ERGIC1: variants seen among roughly 807,000 people sequenced by gnomAD.
ERGIC1 encodes endoplasmic reticulum-golgi intermediate compartment 1.
Under a neutral mutation model 38.3 loss-of-function variants are expected in ERGIC1, and 19 were observed. The observed-to-expected ratio is 0.50, with a 90% CI of 0.35 to 0.73. The LOEUF (loss-of-function observed/expected upper bound fraction) is 0.73, where lower values mean the gene tolerates loss of function less well. ERGIC1 is among the 30% of genes least tolerant of loss of function. The pLI, the probability that ERGIC1 is intolerant of heterozygous loss-of-function variation, is 0.01. For synonymous variants in ERGIC1, 124 were observed against 157.6 expected, an observed-to-expected ratio of 0.79 and a Z score of 1.60; for missense variants, 294 against 389.2, an observed-to-expected ratio of 0.76 and a Z score of 2.06.
intron 2 of ERGIC1, among the ~76,000 whole-genome samples, chr5:172,891,827 C>T (rs1762566429): frequency 6.6e-6 from 1 of 152,174 alleles, no homozygotes; most frequent in Non-Finnish European, 1.5e-5. Context: ...CTTTCTTCTG[C>T]TGATACATCC....
intron 1 of ERGIC1, among the ~76,000 whole-genome samples, chr5:172,886,487 C>G (rs538492760): frequency 7.2e-5 from 11 of 152,174 alleles, no homozygotes; most frequent in Admixed American, 1.3e-4. Flanking sequence ...CCTTTCTTTG[C>G]CTCTACCGCT....
In ERGIC1 at chr5:172,901,330, C is replaced by T. The variant is rs867396978; in HGVS notation, c.155+4256C>T. Among the ~76,000 whole-genome samples the T allele has an allele frequency of 4.6e-5, 7 of 152,204 alleles. No individual in the cohort carries two copies. In the South Asian group the frequency reaches 1.2e-3, roughly 27 times the overall value. On this transcript the variant is annotated intron_variant, in intron 3 of 9. Transcript: ENST00000393784. ...GTTAATTATCCTTGGGAAAGAGGCC[C>T]CACAGAGTGTTCTGAAACTCCGTGT...
At chr5:172,896,923 T>G (rs1762737535) in intron 2 of ERGIC1, 79 bp from the exon 3 acceptor site, 1 of 1,378,078 alleles carries the variant, frequency 7.3e-7, no homozygotes, top group Non-Finnish European at 1.0e-6. Context: ...TGGGGCCTCT[T>G]TCCTCTTCCC....
chr5:172,905,391 G>A (rs1762991080), intron 3 of ERGIC1: 1 of 466,730 alleles, frequency 2.1e-6, no homozygotes, highest in Non-Finnish European at 4.5e-6. Context: ...GATCCTCCTC[G>A]GGCCTGTTAC....
chr5:172,910,270 G>A (rs930054335), intron 4 of ERGIC1, among the ~76,000 whole-genome samples: 2 of 152,160 alleles, frequency 1.3e-5, no homozygotes, highest in Non-Finnish European at 2.9e-5. Flanking sequence ...GCAGAGTGGT[G>A]TGCGTGGCAG....
chr5:172,838,194 T>G (rs1201033674), intron 1 of ERGIC1, among the ~76,000 whole-genome samples: 1 of 152,194 alleles, frequency 6.6e-6, no homozygotes, highest in Non-Finnish European at 1.5e-5. Context: ...AATGCACACT[T>G]GCAGGATCAA....
intron 1 of ERGIC1, among the ~76,000 whole-genome samples, chr5:172,843,326 G>A (rs1761203934): frequency 6.6e-6 from 1 of 152,168 alleles, no homozygotes. Flanking sequence ...GTAAGCCAAG[G>A]CACAGAGCTG....
In ERGIC1 at chr5:172,935,197, G is replaced by A. The variant is rs141880390; in HGVS notation, c.652G>A (p.Ala218Thr). Residue 218 changes from alanine (A) to threonine (T), a missense_variant, in exon 9 of 10, where the codon GCC becomes ACC. Ala to Thr is a moderately conservative substitution (Grantham distance 58). Coordinates refer to ENST00000393784, the MANE Select transcript of ERGIC1 (RefSeq NM_001031711.3). ...QYTVANKEYVAYSHTGRIIPA... is the reference protein window; with the variant it reads ...QYTVANKEYVTYSHTGRIIPA... ...ATATCCTCTACCCCAGGAATACGTCGCCTACAGCCACACGGGCCGCATCAT... is the reference window on the plus strand; with the variant it reads ...ATATCCTCTACCCCAGGAATACGTCACCTACAGCCACACGGGCCGCATCAT... 3,996 of 1,613,936 alleles carry A rather than the reference G, an allele frequency of 2.5e-3. 15 individuals carry two copies. The highest frequency in any genetic ancestry group is 3.1e-3 in the Middle Eastern group (19 of 6,062).
At chr5:172,920,465 C>T in intron 5 of ERGIC1, 1 of 717,730 alleles carries the variant, frequency 1.4e-6, no homozygotes, top group Admixed American at 2.0e-5. Flanking sequence ...GCCAGCCCCG[C>T]AGGAGGAGGA....
intron 1 of ERGIC1, among the ~76,000 whole-genome samples, chr5:172,851,518 TAAA>T (rs1359184912): frequency 6.6e-6 from 1 of 152,022 alleles, no homozygotes; most frequent in Non-Finnish European, 1.5e-5. Context: ...CAATAAAAAA[TAAA>T]AAAATTGGAT....
chr5:172,862,407 G>A (rs965303885), intron 1 of ERGIC1, among the ~76,000 whole-genome samples: 4 of 149,236 alleles, frequency 2.7e-5, no homozygotes, highest in East Asian at 4.0e-4. Context: ...TTACACCATC[G>A]AGACCACACA....
At chr5:172,908,665 G>A (rs973961188) in intron 3 of ERGIC1, among the ~76,000 whole-genome samples, 3 of 152,126 alleles carry the variant, frequency 2.0e-5, no homozygotes, top group African/African-American at 4.8e-5. Context: ...CCTAGGCAGC[G>A]CCTAGAAGCT....
At position 172,834,451 on chromosome 5, in the gene ERGIC1, G is replaced by A; in HGVS notation, c.20+18G>A. ...TTCAGGAGGTGAGTGTGGCGACCCC[G>A]GCCAGTCGGGAGTTCCCTCAGCGGG... On this transcript the variant is annotated intron_variant, in intron 1 of 9. Transcript: ENST00000393784. This position sits in a 1 kb window ranked among gnomAD's most constrained non-coding sequence, Gnocchi z 4.1. 7.6e-7 allele frequency: 1 copy of A among 1,319,662 alleles called. No homozygotes were observed. Among genetic ancestry groups the A allele is most frequent in the South Asian group, 2.1e-5 (1 of 48,640 alleles). The allele number at this position is 1,319,662 out of a possible 1,614,324, so 81.7% of individuals were successfully genotyped here.
At chr5:172,871,717 G>C (rs1368703207) in intron 1 of ERGIC1, among the ~76,000 whole-genome samples, 2 of 152,224 alleles carry the variant, frequency 1.3e-5, no homozygotes, top group African/African-American at 4.8e-5. Flanking sequence ...ATGGCACCAA[G>C]CTGGAATAGC....
chr5:172,838,578 G>A (rs555771801), intron 1 of ERGIC1, among the ~76,000 whole-genome samples: 1 of 152,174 alleles, frequency 6.6e-6, no homozygotes, highest in African/African-American at 2.4e-5. Flanking sequence ...TTGCTCTAAG[G>A]ATCCAGTGTG....
chr5:172,893,905 A>ATATATATATATATATG (rs1173039695), intron 2 of ERGIC1, among the ~76,000 whole-genome samples: 1 of 15,544 alleles, frequency 6.4e-5, no homozygotes, highest in Non-Finnish European at 2.1e-4. Context: ...ATATATATAT[A>ATATATATATATATATG]TGTGTGTGTG....
chr5:172,892,591 G>A (rs1280330046), intron 2 of ERGIC1, among the ~76,000 whole-genome samples: 1 of 152,096 alleles, frequency 6.6e-6, no homozygotes, highest in Non-Finnish European at 1.5e-5. Context: ...CATTCCTACT[G>A]TCCGATGCCT....
chr5:172,872,208 C>T (rs1008095518), intron 1 of ERGIC1, among the ~76,000 whole-genome samples: 19 of 152,162 alleles, frequency 1.2e-4, no homozygotes, highest in African/African-American at 1.7e-4. Flanking sequence ...CCTCCAGCCT[C>T]GTCCCCATGT....
At chr5:172,928,899 G>A (rs1367851866) in intron 7 of ERGIC1, among the ~76,000 whole-genome samples, 2 of 152,156 alleles carry the variant, frequency 1.3e-5, no homozygotes, top group Admixed American at 1.3e-4. Flanking sequence ...AATGAGATGC[G>A]TGTACAGAGT....
Sources: allele counts gnomAD v4.1 joint callset (sites outside exome capture counted in the v4.1 genomes callset), GRCh38; gene constraint gnomAD v4.1.1; non-coding constraint Gnocchi (gnomAD v3.1); transcripts MANE v1.5; gene names NCBI Gene and HGNC (gene_info 2026-07-23, HGNC 2026-07-21).